Variants in TUBB3 observed in about 807,000 individuals in gnomAD.
TUBB3 encodes the protein tubulin beta 3 class III.
A neutral mutation model predicts 37.8 loss-of-function variants in TUBB3; 17 were observed. The observed-to-expected ratio is 0.45, with a 90% confidence interval of 0.31 to 0.67. The LOEUF (loss-of-function observed/expected upper bound fraction) is 0.67. Among genes scored for constraint, TUBB3 ranks in the 30% least tolerant of loss-of-function variants. The pLI is 0.07. For missense variants in TUBB3, 262 were observed against 657.9 expected, an observed-to-expected ratio of 0.40 and a Z score of 6.58; for synonymous variants, 332 against 278.9, an observed-to-expected ratio of 1.19 and a Z score of -1.90.
chr16:89,935,893 C>T lies in TUBB3; in HGVS notation c.*89C>T. ...CCCCGGAGCCATCTTGCTGCCGACA[C>T]CCTGCTTTCCCCTCGCCCTAGGGCT... On this transcript the variant is annotated 3_prime_UTR_variant, in exon 4 of 4. Transcript: ENST00000315491. 6.8e-7 allele frequency: 1 copy of T among 1,466,996 alleles called. No homozygotes were observed. The highest frequency in any genetic ancestry group is 9.2e-7 in the Non-Finnish European group (1 of 1,090,224). The allele number at this position is 1,466,996 out of a possible 1,614,324, so 90.9% of individuals were successfully genotyped here.
intron 1 of TUBB3, among the ~76,000 whole-genome samples, chr16:89,929,566 A>G (rs1389069013): frequency 6.6e-6 from 1 of 152,240 alleles, no homozygotes; most frequent in African/African-American, 2.4e-5. Flanking sequence ...TACCGTGTGC[A>G]CGTGAGAAAA....
At chr16:89,931,992 G>C (rs948333782) in intron 1 of TUBB3, 1 of 274,794 alleles carries the variant, frequency 3.6e-6, no homozygotes. Context: ...ACCCAGCTGG[G>C]GGTCCCCGAT....
chr16:89,923,370 C>A lies in TUBB3; in HGVS notation c.-32C>A, dbSNP rs1014575825. 1.2e-5 allele frequency: 18 copies of A among 1,450,358 alleles called. No individual in the cohort carries two copies. Among genetic ancestry groups the A allele is most frequent in the Non-Finnish European group, 1.6e-5 (18 of 1,097,042 alleles). The allele number at this position is 1,450,358 out of a possible 1,614,324, so 89.8% of individuals were successfully genotyped here. A position where few individuals can be genotyped will look rare whatever the true frequency, so the allele number is the denominator to read the frequency against. ...AGCAGCCAGCCCGGCCCGCCCGCGC[C>A]CGTCCGCAGCCGCCCGCCAGACGCG... On this transcript the variant is annotated 5_prime_UTR_variant, in exon 1 of 4. Transcript: ENST00000315491.
chr16:89,926,331 G>T (rs1223644735), intron 1 of TUBB3, among the ~76,000 whole-genome samples: 2 of 152,214 alleles, frequency 1.3e-5, no homozygotes, highest in African/African-American at 4.8e-5. Context: ...CCGCCCTCTC[G>T]CCTGAAAGAC....
In TUBB3 at chr16:89,930,165, C is replaced by T. The variant is rs189854332; in HGVS notation, c.58-2406C>T. ...TATTGCCCAGGCTGGAGTGCAGTGG[C>T]GCGATCTCGACTCACCACAACCTCT... On this transcript the variant is annotated intron_variant, in intron 1 of 3. Transcript: ENST00000315491. Among the ~76,000 whole-genome samples, 208 of 151,222 alleles carry T rather than the reference C, an allele frequency of 1.4e-3. 1 individual carries two copies. The highest frequency in any genetic ancestry group is 4.9e-3 in the African/African-American group (201 of 41,162).
chr16:89,924,394 C>T (rs985897973), intron 1 of TUBB3, among the ~76,000 whole-genome samples: 5 of 145,044 alleles, frequency 3.4e-5, no homozygotes, highest in Admixed American at 1.4e-4. Context: ...ACCTGGGGCT[C>T]GGGCGGGGCG....
intron 1 of TUBB3, among the ~76,000 whole-genome samples, chr16:89,928,067 T>C (rs2030148706): frequency 6.7e-6 from 1 of 149,848 alleles, no homozygotes; most frequent in South Asian, 2.1e-4. Flanking sequence ...CAGGGACCTT[T>C]CTGTATTTTT....
rs555232123 is a variant in TUBB3, at chr16:89,923,994, C to T, written c.57+536C>T. ...CCTCGGCGTCCTAGCTCCACCCTGT[C>T]CCTTTGTTGGAGGGGTTGGGCCTGG... On this transcript the variant is annotated intron_variant, in intron 1 of 3. Transcript: ENST00000315491. 5.3e-5 allele frequency among the ~76,000 whole-genome samples: 8 copies of T among 152,306 alleles called. No homozygotes were observed. The South Asian group carries it at 1.5e-3, about 28-fold the overall frequency.
intron 1 of TUBB3, chr16:89,931,704 C>T (rs2030284616): frequency 4.9e-6 from 1 of 205,974 alleles, no homozygotes; most frequent in Non-Finnish European, 1.1e-5. Context: ...GACACGGAAT[C>T]CTAGTGACCT....
At chr16:89,923,719 C>T (rs2029968719) in intron 1 of TUBB3, among the ~76,000 whole-genome samples, 1 of 152,172 alleles carries the variant, frequency 6.6e-6, no homozygotes, top group South Asian at 2.1e-4. Flanking sequence ...TCCACACCTG[C>T]GCCCCCTCCA....
intron 1 of TUBB3, among the ~76,000 whole-genome samples, chr16:89,926,237 C>T (rs1416308810): frequency 1.3e-5 from 2 of 152,228 alleles, no homozygotes; most frequent in Non-Finnish European, 2.9e-5. Context: ...CGGGCTGCGG[C>T]ACCGCCTCCT....
rs1417702786 is a variant in TUBB3 at position 89,923,351 on chromosome 16, C to T, written c.-51C>T. 4 of 1,423,144 alleles carry T rather than the reference C, an allele frequency of 2.8e-6. No individual in the cohort carries two copies. Among genetic ancestry groups the T allele is most frequent in the Admixed American group, 2.5e-5 (1 of 39,330 alleles). 88.2% of individuals were successfully genotyped at this position (1,423,144 alleles called of 1,614,324 possible). Reference sequence around the variant, plus strand: ...GCCGCGGTCCCCGACCCTCAGCAGCCAGCCCGGCCCGCCCGCGCCCGTCCG... The same window carrying T: ...GCCGCGGTCCCCGACCCTCAGCAGCTAGCCCGGCCCGCCCGCGCCCGTCCG... On this transcript the variant is annotated 5_prime_UTR_variant, in exon 1 of 4. Coordinates refer to ENST00000315491, the MANE Select transcript of TUBB3 (RefSeq NM_006086.4).
rs761443554 is a variant in TUBB3 at position 89,923,381 on chromosome 16, C to T, written c.-21C>T. ...CGGCCCGCCCGCGCCCGTCCGCAGC[C>T]GCCCGCCAGACGCGCCCAGTATGAG... On this transcript the variant is annotated 5_prime_UTR_variant, in exon 1 of 4. Coordinates refer to ENST00000315491, the MANE Select transcript of TUBB3 (RefSeq NM_006086.4). 23 of 1,462,602 alleles carry T rather than the reference C, an allele frequency of 1.6e-5. 1 individual carries two copies. The highest frequency in any genetic ancestry group is 2.6e-5 in the South Asian group (2 of 76,930). 90.6% of individuals were successfully genotyped at this position (1,462,602 alleles called of 1,614,324 possible).
intron 1 of TUBB3, among the ~76,000 whole-genome samples, chr16:89,926,695 C>G (rs1476806221): frequency 6.6e-6 from 1 of 152,178 alleles, no homozygotes; most frequent in African/African-American, 2.4e-5. Flanking sequence ...GCGCTCACCA[C>G]CACGCCTGGC....
chr16:89,934,716 T>A lies in TUBB3; in HGVS notation c.278-13T>A. 1 of 1,613,122 alleles carries A rather than the reference T, an allele frequency of 6.2e-7. No individual in the cohort carries two copies. Among genetic ancestry groups the A allele is most frequent in the South Asian group, 1.1e-5 (1 of 91,056 alleles). The stretch of plus-strand genomic sequence containing the variant: ...CCTGGCCCCTGTCTCTTACCCCTCT[T>A]CTCCCTGTACAGGTCAGAGTGGGGC... On this transcript the variant is annotated splice_polypyrimidine_tract_variant and intron_variant, in intron 3 of 3. Coordinates refer to ENST00000315491, the MANE Select transcript of TUBB3 (RefSeq NM_006086.4).
In TUBB3 at chr16:89,935,618, C is replaced by T; in HGVS notation, c.1167C>T (p.Phe389=). ...KRISEQFTAM[F]RRKAFLHWYT... The stretch of plus-strand genomic sequence containing the variant: ...TCTCCGAGCAGTTCACGGCCATGTT[C>T]CGGCGCAAGGCCTTCCTGCACTGGT... Residue 389 remains phenylalanine, a synonymous_variant, in exon 4 of 4, where the codon TTC becomes TTT. Coordinates refer to ENST00000315491, the MANE Select transcript of TUBB3 (RefSeq NM_006086.4). 1 of 1,613,866 alleles carries T rather than the reference C, an allele frequency of 6.2e-7. No individual in the cohort carries two copies. Among genetic ancestry groups the T allele is most frequent in the Non-Finnish European group, 8.5e-7 (1 of 1,179,948 alleles).
Position 89,932,568 on chromosome 16 carries a change from C to A in TUBB3, c.58-3C>A, listed in dbSNP as rs190261176. On this transcript the variant is annotated splice_polypyrimidine_tract_variant and splice_region_variant and intron_variant, in intron 1 of 3. Coordinates refer to ENST00000315491, the MANE Select transcript of TUBB3 (RefSeq NM_006086.4). ...GACCCCCCCTCTCCCACTTTGTTTGCAGTTCTGGGAAGTCATCAGTGATGA... is the reference window on the plus strand; with the variant it reads ...GACCCCCCCTCTCCCACTTTGTTTGAAGTTCTGGGAAGTCATCAGTGATGA... 6 of 1,613,568 alleles carry A rather than the reference C, an allele frequency of 3.7e-6. No homozygotes were observed. In the East Asian group the frequency reaches 1.3e-4, roughly 36 times the overall value.
At chr16:89,932,839 G>T in intron 2 of TUBB3, 160 bp downstream of exon 2, 1 of 667,672 alleles carries the variant, frequency 1.5e-6, no homozygotes, top group East Asian at 2.7e-5. Context: ...TGGATGTCAG[G>T]CATCCAGACG....
intron 1 of TUBB3, among the ~76,000 whole-genome samples, chr16:89,926,206 G>GT (rs1567761294): frequency 6.6e-6 from 1 of 152,182 alleles, no homozygotes; most frequent in African/African-American, 2.4e-5. Context: ...GCGGCGGAGG[G>GT]GGGAGCCTTT....
Sources: allele counts gnomAD v4.1 joint callset (sites outside exome capture counted in the v4.1 genomes callset), GRCh38; gene constraint gnomAD v4.1.1; transcripts MANE v1.5; gene names NCBI Gene and HGNC (gene_info 2026-07-23, HGNC 2026-07-21).